The following DOCK3 variants were observed in gnomAD, a reference collection of about 807,000 sequenced individuals.
DOCK3 encodes the protein dedicator of cytokinesis 3.
DOCK3 carries 60 observed loss-of-function variants against 265.6 expected under a neutral mutation model. The observed-to-expected ratio is 0.23, with a 90% CI of 0.18 to 0.28. The LOEUF is 0.28. DOCK3 is among the 10% of genes least tolerant of loss of function. DOCK3 has a pLI of 1.00. For synonymous variants in DOCK3, 881 were observed against 938.0 expected, an observed-to-expected ratio of 0.94 and a Z score of 1.11; for missense variants, 1,981 against 2,594.3, an observed-to-expected ratio of 0.76 and a Z score of 5.14.
intron 7 of DOCK3, among the ~76,000 whole-genome samples, chr3:51,076,190 C>T (rs1174978844): frequency 6.6e-6 from 1 of 152,172 alleles, no homozygotes; most frequent in Non-Finnish European, 1.5e-5. Context: ...AATAACATAT[C>T]AATTGCTTCT....
rs559060360 is a variant in DOCK3 at position 51,334,533 on chromosome 3, A to G, written c.3611+1280A>G. Among the ~76,000 whole-genome samples the G allele has an allele frequency of 4.6e-5, 7 of 152,230 alleles. No individual in the cohort carries two copies. In the South Asian group the frequency reaches 1.4e-3, roughly 31 times the overall value. ...AATGGAATTCCTGAGAAATGTGCTC[A>G]TGTCTTAAGCATCCCCCCATTCTGT... is the stretch of plus-strand genomic sequence containing the variant. On this transcript the variant is annotated intron_variant, in intron 35 of 52. Transcript: ENST00000266037.
chr3:51,135,234 A>T (rs1186346344), intron 9 of DOCK3, among the ~76,000 whole-genome samples: 1 of 152,188 alleles, frequency 6.6e-6, no homozygotes, highest in Non-Finnish European at 1.5e-5. Flanking sequence ...GTCAACTGCT[A>T]AATCTGGTCA....
At chr3:50,848,503 G>A (rs899267082) in intron 3 of DOCK3, among the ~76,000 whole-genome samples, 1 of 152,130 alleles carries the variant, frequency 6.6e-6, no homozygotes, top group African/African-American at 2.4e-5. Context: ...AATTTCCTTA[G>A]TGCGTGCTTG....
intron 2 of DOCK3, among the ~76,000 whole-genome samples, chr3:50,832,919 T>G (rs1168637830): frequency 6.6e-6 from 1 of 152,210 alleles, no homozygotes; most frequent in Non-Finnish European, 1.5e-5. Flanking sequence ...TCTGGAAGAT[T>G]AATAAGTCTT....
At chr3:50,951,127 CT>C (rs777061846) in intron 5 of DOCK3, among the ~76,000 whole-genome samples, 1 of 152,194 alleles carries the variant, frequency 6.6e-6, no homozygotes, top group Non-Finnish European at 1.5e-5. Flanking sequence ...ACTTTATACA[CT>C]TACAGCTATT....
chr3:51,380,359 T>TTGAGC (rs1284923111), intron 52 of DOCK3, among the ~76,000 whole-genome samples, 152 bp downstream of exon 52: 1 of 152,204 alleles, frequency 6.6e-6, no homozygotes, highest in Non-Finnish European at 1.5e-5. Context: ...AGAGCCACAC[T>TTGAGC]TGAGCTGCAG....
At chr3:50,723,977 C>T (rs1215330167) in intron 1 of DOCK3, among the ~76,000 whole-genome samples, 1 of 151,994 alleles carries the variant, frequency 6.6e-6, no homozygotes, top group Non-Finnish European at 1.5e-5. Flanking sequence ...CCAGAATCTA[C>T]AAAGAACTTA....
At position 51,159,363 on chromosome 3, in the gene DOCK3, T is replaced by A. The variant is rs148237293; in HGVS notation, c.889+59T>A. On this transcript the variant is annotated intron_variant, in intron 11 of 52. Transcript: ENST00000266037. ...AATGGCCCAACTTGGGATAAGTATG[T>A]CTTGTGCATGAGCTTTGTTTTCTCC... 1.6e-4 allele frequency: 240 copies of A among 1,506,734 alleles called. No homozygotes were observed. In the African/African-American group the frequency reaches 3.0e-3, roughly 19 times the overall value. The allele number at this position is 1,506,734 out of a possible 1,614,324, so 93.3% of individuals were successfully genotyped here.
intron 9 of DOCK3, among the ~76,000 whole-genome samples, chr3:51,094,400 G>A (rs2082746286): frequency 7.4e-6 from 1 of 135,226 alleles, no homozygotes; most frequent in Admixed American, 7.8e-5. Flanking sequence ...AGTCTTGGGA[G>A]GTGTGTGTCC....
intron 5 of DOCK3, among the ~76,000 whole-genome samples, chr3:51,037,112 AT>A (rs967688775): frequency 1.3e-5 from 2 of 151,836 alleles, no homozygotes; most frequent in Non-Finnish European, 2.9e-5. Context: ...GACTTGGGGA[AT>A]TTTTTTTCCT....
At chr3:50,844,151 A>G (rs2107293752) in intron 3 of DOCK3, among the ~76,000 whole-genome samples, 1 of 152,372 alleles carries the variant, frequency 6.6e-6, no homozygotes, top group South Asian at 2.1e-4. Context: ...TATACTAATA[A>G]GTAAAACACA....
chr3:50,749,601 A>G (rs2039660399), intron 1 of DOCK3, among the ~76,000 whole-genome samples: 1 of 152,144 alleles, frequency 6.6e-6, no homozygotes, highest in African/African-American at 2.4e-5. Flanking sequence ...ATCAGTGGAC[A>G]TCATCTTTCA....
chr3:51,215,321 G>T (rs1486248990), intron 14 of DOCK3, among the ~76,000 whole-genome samples: 1 of 152,124 alleles, frequency 6.6e-6, no homozygotes, highest in African/African-American at 2.4e-5. Flanking sequence ...GGCCAGACTG[G>T]TCTCGAACTC....
intron 12 of DOCK3, among the ~76,000 whole-genome samples, chr3:51,194,102 T>C (rs1472175779): frequency 6.6e-6 from 1 of 152,154 alleles, no homozygotes; most frequent in Non-Finnish European, 1.5e-5. Context: ...TATGTTGTGT[T>C]CCTGTTTTCG....
chr3:50,700,334 G>C (rs1191013218), intron 1 of DOCK3, among the ~76,000 whole-genome samples: 1 of 152,176 alleles, frequency 6.6e-6, no homozygotes, highest in African/African-American at 2.4e-5. Flanking sequence ...ACAATAAGTT[G>C]TATATTACTA....
intron 2 of DOCK3, among the ~76,000 whole-genome samples, chr3:50,789,654 G>C (rs1176135715): frequency 6.6e-6 from 1 of 152,130 alleles, no homozygotes; most frequent in Non-Finnish European, 1.5e-5. Context: ...AAATTTGGGA[G>C]CTCCAGTGTT....
chr3:50,859,565 A>G (rs2609017), intron 3 of DOCK3, among the ~76,000 whole-genome samples: 8,679 of 151,868 alleles, frequency 0.057, 882 homozygotes, highest in African/African-American at 0.2. Context: ...GAGTTCTTAC[A>G]TTGATTTTTT....
chr3:51,026,433 G>GTTTTTTTTTTTTTTT (rs34722593), intron 5 of DOCK3, among the ~76,000 whole-genome samples: 1 of 140,230 alleles, frequency 7.1e-6, no homozygotes, highest in African/African-American at 2.6e-5. Flanking sequence ...TTGGCCTGTA[G>GTTTTTTTTTTTTTTT]TTTTTTTTTT....
chr3:51,307,889 TTG>T (rs1491054127), intron 27 of DOCK3, among the ~76,000 whole-genome samples: 11 of 149,730 alleles, frequency 7.3e-5, no homozygotes, highest in African/African-American at 2.0e-4. Flanking sequence ...GTTTTTTTTT[TTG>T]TTTTTTTTTT....
Sources: gnomAD v4.1 joint callset for allele counts (sites outside exome capture counted in the v4.1 genomes callset) on GRCh38, gnomAD v4.1.1 for gene constraint, MANE v1.5 for transcripts, NCBI Gene and HGNC (gene_info 2026-07-23, HGNC 2026-07-21) for gene names.